Variants in MGAT4C observed in about 807,000 individuals in gnomAD.
The protein encoded by MGAT4C is MGAT4 family member C.
Under a neutral mutation model 40.1 loss-of-function variants are expected in MGAT4C, and 19 were observed. The observed-to-expected ratio is 0.47, with a 90% CI of 0.33 to 0.70. The LOEUF is 0.70. MGAT4C is among the 30% of genes least tolerant of loss of function. The probability of loss-of-function intolerance (pLI) is 0.02; values close to 1 mark genes in which losing one functional copy is unlikely to be tolerated. For missense variants in MGAT4C, 491 were observed against 563.2 expected, an observed-to-expected ratio of 0.87 and a Z score of 1.30; for synonymous variants, 181 against 187.1, an observed-to-expected ratio of 0.97 and a Z score of 0.27.
intron 4 of MGAT4C, among the ~76,000 whole-genome samples, chr12:86,325,532 T>C (rs1397923307): frequency 1.3e-5 from 2 of 152,198 alleles, no homozygotes; most frequent in Non-Finnish European, 2.9e-5. Context: ...AAGATCTCTA[T>C]AGCTTATTAT....
rs1244858448 is a variant in MGAT4C, at chr12:85,976,375, T to C, written c.*2914A>G. ...TTATATTGACATTTGTGATTGCCAC[T>C]AAAATGTGTATTTTCTAAATTTCAT... On this transcript the variant is annotated 3_prime_UTR_variant, in exon 5 of 5. Coordinates refer to ENST00000611864, the MANE Select transcript of MGAT4C (RefSeq NM_001351288.2). 9 of 151,130 alleles carry C rather than the reference T, an allele frequency of 6.0e-5. No homozygotes were observed. Among genetic ancestry groups the C allele is most frequent in the Non-Finnish European group, 1.2e-4 (8 of 67,220 alleles). 9.4% of individuals were successfully genotyped at this position (151,130 alleles called of 1,614,324 possible). A position where few individuals can be genotyped will look rare whatever the true frequency, so the allele number is the denominator to read the frequency against.
chr12:86,274,691 A>C (rs2136111093), intron 4 of MGAT4C, among the ~76,000 whole-genome samples: 1 of 152,312 alleles, frequency 6.6e-6, no homozygotes, highest in East Asian at 1.9e-4. Context: ...ATTTAATAGA[A>C]GAATATTTAG....
Position 86,708,230 on chromosome 12 carries a change from G to T in MGAT4C, c.-229+18979C>A, listed in dbSNP as rs565263598. On this transcript the variant is annotated intron_variant, in intron 2 of 7. Transcript: ENST00000548651. ...CAAGCCATGACTAAAAGAGGCAAAAGTACAGCTTGGACCACGGCTTCAGAG... is the reference window on the plus strand; with the variant it reads ...CAAGCCATGACTAAAAGAGGCAAAATTACAGCTTGGACCACGGCTTCAGAG... Among the ~76,000 whole-genome samples the T allele has an allele frequency of 2.6e-5, 4 of 152,312 alleles. No homozygotes were observed. In the East Asian group the frequency reaches 7.7e-4, roughly 29 times the overall value.
chr12:86,007,393 A>G (rs1344685798), intron 2 of MGAT4C, among the ~76,000 whole-genome samples: 4 of 152,124 alleles, frequency 2.6e-5, no homozygotes, highest in Non-Finnish European at 4.4e-5. Context: ...AATACTCTCT[A>G]TTAACATGAA....
chr12:86,251,519 A>G (rs373660080), intron 1 of MGAT4C, among the ~76,000 whole-genome samples: 1 of 152,042 alleles, frequency 6.6e-6, no homozygotes, highest in African/African-American at 2.4e-5. Context: ...CTGCTGAGAA[A>G]AAGTGTTTTC....
chr12:86,222,140 T>G (rs1950906128), intron 1 of MGAT4C, among the ~76,000 whole-genome samples: 1 of 152,164 alleles, frequency 6.6e-6, no homozygotes, highest in African/African-American at 2.4e-5. Flanking sequence ...GCTCTCTCTC[T>G]GAGAAAGAAA....
intron 1 of MGAT4C, among the ~76,000 whole-genome samples, chr12:86,738,526 CAATT>C (rs1951018746): frequency 6.6e-6 from 1 of 151,214 alleles, no homozygotes; most frequent in Non-Finnish European, 1.5e-5. Flanking sequence ...AGCAGGTACT[CAATT>C]AATATTTGTT....
At chr12:86,383,364 C>T (rs61949478) in intron 3 of MGAT4C, among the ~76,000 whole-genome samples, 9,427 of 151,790 alleles carry the variant, frequency 0.062, 407 homozygotes, top group Non-Finnish European at 0.096. Flanking sequence ...CCATCCTGGC[C>T]AACATGGTGA....
chr12:86,114,624 A>G (rs1878061495), intron 1 of MGAT4C, among the ~76,000 whole-genome samples: 1 of 151,840 alleles, frequency 6.6e-6, no homozygotes, highest in African/African-American at 2.4e-5. Flanking sequence ...TTTTTATAGC[A>G]ACCCATGCTA....
chr12:86,534,540 T>C (rs1959038996), intron 2 of MGAT4C, among the ~76,000 whole-genome samples: 1 of 152,154 alleles, frequency 6.6e-6, no homozygotes, highest in East Asian at 1.9e-4. Context: ...AATAAATCTC[T>C]TTAAATATTT....
At chr12:86,229,960 A>G (rs1951248427) in intron 1 of MGAT4C, among the ~76,000 whole-genome samples, 2 of 152,012 alleles carry the variant, frequency 1.3e-5, no homozygotes, top group Non-Finnish European at 2.9e-5. Context: ...ACCACCCTCA[A>G]ATTCTGCTGA....
chr12:86,656,172 TA>T (rs1212182028), intron 2 of MGAT4C, among the ~76,000 whole-genome samples: 1 of 152,062 alleles, frequency 6.6e-6, no homozygotes, highest in African/African-American at 2.4e-5. Flanking sequence ...AGTACCATAG[TA>T]AAAAGTAATA....
chr12:86,463,446 T>G (rs1304365310), intron 2 of MGAT4C, among the ~76,000 whole-genome samples: 7 of 152,136 alleles, frequency 4.6e-5, no homozygotes, highest in African/African-American at 1.7e-4. Context: ...AAATTTCCCA[T>G]TCCTCTAGGC....
intron 1 of MGAT4C, among the ~76,000 whole-genome samples, chr12:86,151,777 G>A (rs1884314615): frequency 6.6e-6 from 1 of 152,194 alleles, no homozygotes; most frequent in African/African-American, 2.4e-5. Context: ...TTTCAAAATT[G>A]AGCATGGCTC....
At chr12:86,640,578 A>AG (rs1963351367) in intron 2 of MGAT4C, among the ~76,000 whole-genome samples, 1 of 151,942 alleles carries the variant, frequency 6.6e-6, no homozygotes, top group Non-Finnish European at 1.5e-5. Context: ...AATTTTTTGA[A>AG]GGGTTTTTTG....
chr12:86,199,133 C>G (rs1949935863), intron 1 of MGAT4C, among the ~76,000 whole-genome samples: 1 of 152,172 alleles, frequency 6.6e-6, no homozygotes, highest in African/African-American at 2.4e-5. Context: ...ACTGCTGCTG[C>G]TGCTGCTGCA....
chr12:85,984,013 T>A (rs1249170313), intron 3 of MGAT4C, among the ~76,000 whole-genome samples: 1 of 152,196 alleles, frequency 6.6e-6, no homozygotes, highest in Non-Finnish European at 1.5e-5. Flanking sequence ...GACAATCATT[T>A]AAGGATCTCA....
chr12:86,092,718 CATT>C (rs908759949), intron 1 of MGAT4C, among the ~76,000 whole-genome samples: 5 of 152,076 alleles, frequency 3.3e-5, no homozygotes, highest in African/African-American at 4.8e-5. Context: ...GTCTCTTTAT[CATT>C]ATATTTAATT....
chr12:86,306,944 TG>T (rs898083612), intron 4 of MGAT4C, among the ~76,000 whole-genome samples: 3 of 150,566 alleles, frequency 2.0e-5, no homozygotes, highest in African/African-American at 7.5e-5. Context: ...TTTTTCAGTA[TG>T]TTTGAAAATT....
Sources: allele counts gnomAD v4.1 joint callset (sites outside exome capture counted in the v4.1 genomes callset), GRCh38; gene constraint gnomAD v4.1.1; transcripts MANE v1.5; gene names NCBI Gene and HGNC (gene_info 2026-07-23, HGNC 2026-07-21).